Variants in ZFHX3 observed in about 807,000 individuals in gnomAD.
The protein encoded by ZFHX3 is zinc finger homeobox 3.
Under a neutral mutation model 279.1 loss-of-function variants are expected in ZFHX3, and 42 were observed. The ratio of observed to expected loss-of-function variants is 0.15; its 90% CI spans 0.12 to 0.19. ZFHX3 has a LOEUF of 0.19. Ranked by LOEUF, ZFHX3 falls within the 10% of genes least tolerant of loss-of-function variation. ZFHX3 has a pLI of 1.00. For synonymous variants in ZFHX3, 2,293 were observed against 1,957.8 expected, an observed-to-expected ratio of 1.17 and a Z score of -4.52; for missense variants, 4,981 against 4,754.0, an observed-to-expected ratio of 1.05 and a Z score of -1.40.
Position 73,254,540 on chromosome 16 carries a change from T to G in ZFHX3, c.-1104+2507A>C, listed in dbSNP as rs191491419. On this transcript the variant is annotated intron_variant, in intron 5 of 17. Transcript: ENST00000641206. ...ATTCTTTTTTGAAATAATGATAGATTCACAGGAAGTTGCAAAAATAGTACA... is the reference window on the plus strand; with the variant it reads ...ATTCTTTTTTGAAATAATGATAGATGCACAGGAAGTTGCAAAAATAGTACA... Among the ~76,000 whole-genome samples, 15 of 152,018 alleles carry G rather than the reference T, an allele frequency of 9.9e-5. No homozygotes were observed. The East Asian group carries it at 1.7e-3, about 18-fold the overall frequency.
chr16:73,611,124 G>A (rs2052240957), intron 2 of ZFHX3, among the ~76,000 whole-genome samples: 2 of 152,178 alleles, frequency 1.3e-5, no homozygotes, highest in South Asian at 2.1e-4. Flanking sequence ...AAAAGCAGGA[G>A]GAAGAAAGAG....
chr16:72,917,844 T>G (rs1271984670), intron 3 of ZFHX3, among the ~76,000 whole-genome samples: 1 of 152,094 alleles, frequency 6.6e-6, no homozygotes, highest in Non-Finnish European at 1.5e-5. Context: ...TCAAAATTAA[T>G]AAAAATAATT....
In ZFHX3 at chr16:73,108,534, G is replaced by A. The variant is rs139137054; in HGVS notation, c.-896-14936C>T. Among the ~76,000 whole-genome samples, 3 of 152,172 alleles carry A rather than the reference G, an allele frequency of 2.0e-5. No individual in the cohort carries two copies. The East Asian group carries it at 5.9e-4, about 30-fold the overall frequency. ...TCCTCCCACCTTGACCTCACAAAGT[G>A]CTGGGATTACACCCAGTGGATGTAT... On this transcript the variant is annotated intron_variant, in intron 7 of 17. Transcript: ENST00000641206.
At chr16:73,102,156 C>T (rs559080409) in intron 7 of ZFHX3, among the ~76,000 whole-genome samples, 81 of 152,100 alleles carry the variant, frequency 5.3e-4, no homozygotes, top group African/African-American at 1.7e-3. Flanking sequence ...TCAGGTGAGT[C>T]GCTCACCTCA....
At chr16:73,836,050 T>C (rs9938340) in intron 1 of ZFHX3, among the ~76,000 whole-genome samples, 4,398 of 152,242 alleles carry the variant, frequency 0.029, 215 homozygotes, top group African/African-American at 0.1. Context: ...TTATTTCAAG[T>C]ACATGAAAGC....
At chr16:73,551,968 GA>G (rs1365426352) in intron 2 of ZFHX3, among the ~76,000 whole-genome samples, 2 of 152,106 alleles carry the variant, frequency 1.3e-5, no homozygotes, top group Non-Finnish European at 1.5e-5. Context: ...GTTTTATGTT[GA>G]AAGGATAGAG....
chr16:73,715,562 C>CTTTTTTT lies in ZFHX3; in HGVS notation c.-1607-35329_-1607-35323dup, dbSNP rs949665075. ...CAAGTTAGCAAGTACCACAGCTGGT[C>CTTTTTTT]TTTTTTTTTTTTTTTTTTTTTTTTT... On this transcript the variant is annotated intron_variant, in intron 1 of 17. Coordinates refer to the ZFHX3 transcript ENST00000641206. Among the ~76,000 whole-genome samples the CTTTTTTT allele has an allele frequency of 3.2e-4, 20 of 63,022 alleles. 2 individuals are homozygous for CTTTTTTT. Among genetic ancestry groups the CTTTTTTT allele is most frequent in the African/African-American group, 1.3e-3 (18 of 13,574 alleles). 41.3% of individuals were successfully genotyped at this position (63,022 alleles called of 152,430 possible).
chr16:73,471,665 C>T (rs762386036), intron 2 of ZFHX3, among the ~76,000 whole-genome samples: 2 of 152,174 alleles, frequency 1.3e-5, no homozygotes, highest in African/African-American at 2.4e-5. Context: ...AAAAGGAGGG[C>T]TCAGGGGACC....
chr16:73,256,046 AG>A (rs1409298234), intron 5 of ZFHX3, among the ~76,000 whole-genome samples: 1 of 152,232 alleles, frequency 6.6e-6, no homozygotes, highest in Non-Finnish European at 1.5e-5. Context: ...GCGACGGCAA[AG>A]CTCATTGCAA....
At chr16:73,731,298 A>C (rs2053567949) in intron 1 of ZFHX3, among the ~76,000 whole-genome samples, 1 of 152,164 alleles carries the variant, frequency 6.6e-6, no homozygotes, top group African/African-American at 2.4e-5. Flanking sequence ...TAGAGTCAAC[A>C]GATTTTTTTA....
intron 5 of ZFHX3, among the ~76,000 whole-genome samples, chr16:73,181,153 T>C (rs141385700): frequency 1.3e-5 from 2 of 151,878 alleles, no homozygotes; most frequent in African/African-American, 4.8e-5. Context: ...CAGGCTGGAG[T>C]GCAGTGGTAT....
intron 2 of ZFHX3, among the ~76,000 whole-genome samples, chr16:73,598,423 CT>C (rs112833090): frequency 3.0e-3 from 426 of 142,728 alleles, no homozygotes; most frequent in Admixed American, 3.9e-3. Context: ...TTCTTTTTAT[CT>C]TTTTTTTTTT....
intron 5 of ZFHX3, chr16:73,234,090 A>AGTGTGGCTCC (rs1237448937): frequency 6.6e-6 from 1 of 152,320 alleles, no homozygotes; most frequent in Admixed American, 6.5e-5. Flanking sequence ...TGCTTGTATG[A>AGTGTGGCTCC]GTGTGGCTCC....
Position 72,787,041 on chromosome 16 carries a change from T to G in ZFHX3, c.*123A>C. 7.3e-5 allele frequency: 36 copies of G among 493,220 alleles called. No individual in the cohort carries two copies. Among genetic ancestry groups the G allele is most frequent in the Non-Finnish European group, 9.1e-5 (33 of 363,766 alleles). 30.6% of individuals were successfully genotyped at this position (493,220 alleles called of 1,614,324 possible). ...AACCCACGCTTTTTCTTTTTTTTCT[T>G]TTTTTTTTTTTTTTTGTTTTTTGGT... On this transcript the variant is annotated 3_prime_UTR_variant, in exon 10 of 10. Coordinates refer to ENST00000268489, the MANE Select transcript of ZFHX3 (RefSeq NM_006885.4).
rs1247297944 is a variant in ZFHX3 at position 72,795,201 on chromosome 16, A to G, written c.7481T>C (p.Leu2494Ser). Residue 2494 changes from leucine to serine, a missense_variant, in exon 9 of 10, where the codon TTA (leucine) becomes TCA (serine). By Grantham distance (145) the Leu-to-Ser change is moderately radical. Coordinates refer to ENST00000268489, the MANE Select transcript of ZFHX3 (RefSeq NM_006885.4). ...GGAAGGACTGGGGCTCGACTGGGGT[A>G]AGGGGCACTGTGGAGGGGGCGCTTG... ...PPQAPPPQCP[L>S]PQSSPSPSQL... The G allele has an allele frequency of 3.1e-6, 5 of 1,607,582 alleles. No homozygotes were observed. The highest frequency in any genetic ancestry group is 4.2e-6 in the Non-Finnish European group (5 of 1,176,628).
chr16:73,529,313 T>C (rs1378084515), intron 2 of ZFHX3, among the ~76,000 whole-genome samples: 1 of 152,180 alleles, frequency 6.6e-6, no homozygotes, highest in Middle Eastern at 3.2e-3. Context: ...AATGCCTCTA[T>C]AAGAAAGGAC....
chr16:73,854,699 G>C (rs753907593), intron 1 of ZFHX3, among the ~76,000 whole-genome samples: 1 of 90,602 alleles, frequency 1.1e-5, no homozygotes, highest in Non-Finnish European at 2.1e-5. Context: ...GAGGTGATGC[G>C]ATAAAGAAAC....
At chr16:73,858,836 A>C (rs565326639) in intron 1 of ZFHX3, among the ~76,000 whole-genome samples, 1 of 152,230 alleles carries the variant, frequency 6.6e-6, no homozygotes, top group Admixed American at 6.5e-5. Context: ...CTTTCAGTAC[A>C]TTATGAGACA....
intron 7 of ZFHX3, among the ~76,000 whole-genome samples, chr16:73,096,976 G>C (rs897629352): frequency 6.6e-6 from 1 of 152,008 alleles, no homozygotes; most frequent in African/African-American, 2.4e-5. Context: ...GGAAAGCCAA[G>C]GCAAGAGGAG....
Sources: allele counts gnomAD v4.1 joint callset (sites outside exome capture counted in the v4.1 genomes callset), GRCh38; gene constraint gnomAD v4.1.1; transcripts MANE v1.5; gene names NCBI Gene and HGNC (gene_info 2026-07-23, HGNC 2026-07-21).